The following SCFD2 variants were observed in gnomAD, a reference collection of about 807,000 sequenced individuals.
SCFD2 encodes the protein sec1 family domain-containing protein 2.
In SCFD2, 54 loss-of-function variants were observed where a neutral mutation model predicts 58.9. The ratio of observed to expected loss-of-function variants is 0.92; its 90% CI spans 0.74 to 1.15. The LOEUF (loss-of-function observed/expected upper bound fraction) is 1.15, where lower values mean the gene tolerates loss of function less well. Among genes scored for constraint, SCFD2 ranks in the 50% most tolerant of loss-of-function variants. The pLI, the probability that SCFD2 is intolerant of heterozygous loss-of-function variation, is 0.00. For synonymous variants in SCFD2, 321 were observed against 335.9 expected (o/e 0.96, Z 0.49); for missense variants, 805 against 836.6 (o/e 0.96, Z 0.47).
intron 5 of SCFD2, among the ~76,000 whole-genome samples, chr4:52,995,264 T>C (rs1216777538): frequency 1.3e-5 from 2 of 152,128 alleles, no homozygotes; most frequent in Non-Finnish European, 2.9e-5. Flanking sequence ...GCGCGGAACC[T>C]AGATCCCTCC....
chr4:53,195,055 A>G (rs911336356), intron 4 of SCFD2, among the ~76,000 whole-genome samples: 1 of 152,198 alleles, frequency 6.6e-6, no homozygotes, highest in Admixed American at 6.6e-5. Flanking sequence ...GTGGTAAAGC[A>G]GGCTAAGAGA....
At chr4:53,242,999 C>T (rs1183848251) in intron 4 of SCFD2, among the ~76,000 whole-genome samples, 4 of 152,272 alleles carry the variant, frequency 2.6e-5, no homozygotes, top group African/African-American at 7.2e-5. Context: ...GAGACTAAAT[C>T]TATGACTCAT....
chr4:53,062,306 A>T (rs981849727), intron 5 of SCFD2, among the ~76,000 whole-genome samples: 2 of 151,942 alleles, frequency 1.3e-5, no homozygotes, highest in Non-Finnish European at 2.9e-5. Flanking sequence ...TGGGAGGCTC[A>T]GGTTGAAATG....
intron 5 of SCFD2, among the ~76,000 whole-genome samples, chr4:53,091,689 T>C (rs1029864138): frequency 3.9e-5 from 6 of 152,084 alleles, no homozygotes; most frequent in Admixed American, 1.3e-4. Context: ...ACAACTTTCA[T>C]AGAAACTGCT....
intron 1 of SCFD2, among the ~76,000 whole-genome samples, chr4:53,360,499 C>G (rs1734519907): frequency 6.6e-6 from 1 of 152,204 alleles, no homozygotes; most frequent in Non-Finnish European, 1.5e-5. Context: ...CAAATCAAAA[C>G]TTGGTTCCAT....
At chr4:53,133,264 C>T (rs1725844186) in intron 5 of SCFD2, among the ~76,000 whole-genome samples, 1 of 143,434 alleles carries the variant, frequency 7.0e-6, no homozygotes, top group South Asian at 2.3e-4. Context: ...GGAGGCGGAG[C>T]TTGCAGTGAG....
chr4:53,028,353 GCCAATATTTTATTTTA>G (rs1278685108), intron 5 of SCFD2, among the ~76,000 whole-genome samples: 1 of 152,102 alleles, frequency 6.6e-6, no homozygotes, highest in African/African-American at 2.4e-5. Flanking sequence ...ACAAAATACT[GCCAATATTTTATTTTA>G]TTGATAACAA....
At chr4:53,009,075 A>C (rs941680623) in intron 5 of SCFD2, among the ~76,000 whole-genome samples, 1 of 152,284 alleles carries the variant, frequency 6.6e-6, no homozygotes, top group Admixed American at 6.5e-5. Context: ...ACTACCTTTG[A>C]CGAACTTGCC....
chr4:52,907,843 A>G (rs2109472142), intron 6 of SCFD2, among the ~76,000 whole-genome samples: 1 of 152,302 alleles, frequency 6.6e-6, no homozygotes, highest in Non-Finnish European at 1.5e-5. Context: ...CTACAAGCAA[A>G]TATATCTTAC....
intron 5 of SCFD2, among the ~76,000 whole-genome samples, chr4:53,143,429 C>T (rs1265853665): frequency 6.6e-6 from 1 of 152,162 alleles, no homozygotes; most frequent in African/African-American, 2.4e-5. Flanking sequence ...GATGGCCAAA[C>T]ACATGCAATC....
chr4:53,274,492 C>T (rs766711962), intron 3 of SCFD2, among the ~76,000 whole-genome samples: 2 of 151,990 alleles, frequency 1.3e-5, no homozygotes, highest in Non-Finnish European at 2.9e-5. Context: ...TGACAATATT[C>T]GTGAGATAAA....
chr4:53,012,836 G>GTTTTTT (rs3987774), intron 5 of SCFD2, among the ~76,000 whole-genome samples: 3 of 145,084 alleles, frequency 2.1e-5, no homozygotes, highest in Non-Finnish European at 3.0e-5. Context: ...GTGTGTGTGT[G>GTTTTTT]TTTTTTTTTA....
At chr4:53,044,005 T>A (rs1350629747) in intron 5 of SCFD2, among the ~76,000 whole-genome samples, 1 of 152,154 alleles carries the variant, frequency 6.6e-6, no homozygotes, top group African/African-American at 2.4e-5. Flanking sequence ...AAGAAAGAAC[T>A]TGCCTTTGAG....
Position 53,301,758 on chromosome 4 carries a change from C to T in SCFD2, c.1135+11878G>A, listed in dbSNP as rs1732309157. Among the ~76,000 whole-genome samples, 2 of 152,170 alleles carry T rather than the reference C, an allele frequency of 1.3e-5. 1 individual carries two copies. Among genetic ancestry groups the T allele is most frequent in the South Asian group, 4.2e-4 (2 of 4,818 alleles). On this transcript the variant is annotated intron_variant, in intron 3 of 8. Transcript: ENST00000401642. ...CATCAAAAAGCTTATCCACCATGAT[C>T]AAGTGGGCTTCATCCCTGGGATGCA...
At chr4:53,140,398 T>TATATATAC (rs1726096362) in intron 5 of SCFD2, among the ~76,000 whole-genome samples, 1 of 139,860 alleles carries the variant, frequency 7.2e-6, no homozygotes, top group South Asian at 2.3e-4. Context: ...TGCTAATATA[T>TATATATAC]ATATATATAT....
At chr4:53,132,376 T>G (rs1213152180) in intron 5 of SCFD2, among the ~76,000 whole-genome samples, 2 of 152,128 alleles carry the variant, frequency 1.3e-5, no homozygotes, top group Non-Finnish European at 2.9e-5. Context: ...ATCTTAGAAA[T>G]CAAGAGAAAA....
intron 5 of SCFD2, among the ~76,000 whole-genome samples, chr4:52,953,863 C>T (rs755716300): frequency 6.6e-6 from 1 of 152,212 alleles, no homozygotes; most frequent in African/African-American, 2.4e-5. Flanking sequence ...CAATAAAGGA[C>T]AGATGGGCAC....
intron 5 of SCFD2, among the ~76,000 whole-genome samples, chr4:53,102,780 G>A (rs376377030): frequency 2.0e-5 from 3 of 152,086 alleles, no homozygotes. Context: ...GCAAAAGGGT[G>A]TAAATCTTAT....
chr4:52,997,606 G>A (rs967782563), intron 5 of SCFD2, among the ~76,000 whole-genome samples: 3 of 152,154 alleles, frequency 2.0e-5, no homozygotes, highest in African/African-American at 7.2e-5. Context: ...GCTGGCCTGG[G>A]GAATGGTAAA....
Sources: gnomAD v4.1 joint callset for allele counts (sites outside exome capture counted in the v4.1 genomes callset) on GRCh38, gnomAD v4.1.1 for gene constraint, MANE v1.5 for transcripts, NCBI Gene and HGNC (gene_info 2026-07-23, HGNC 2026-07-21) for gene names.